The following CAMK2D variants were observed in gnomAD, a reference collection of about 807,000 sequenced individuals.
The protein encoded by CAMK2D is calcium/calmodulin-dependent protein kinase type II subunit delta.
A neutral mutation model predicts 84.0 loss-of-function variants in CAMK2D; 37 were observed. The ratio of observed to expected loss-of-function variants is 0.44; its 90% CI spans 0.34 to 0.58. The LOEUF (loss-of-function observed/expected upper bound fraction) is 0.58. Ranked by LOEUF, CAMK2D falls within the 20% of genes least tolerant of loss-of-function variation. CAMK2D has a pLI of 0.02. For missense variants in CAMK2D, 448 were observed against 652.5 expected (o/e 0.69, Z 3.41); for synonymous variants, 202 against 212.5 (o/e 0.95, Z 0.43).
chr4:113,472,998 A>G (rs1368576130), intron 16 of CAMK2D, among the ~76,000 whole-genome samples: 7 of 152,128 alleles, frequency 4.6e-5, no homozygotes, highest in Non-Finnish European at 7.4e-5. Flanking sequence ...CCAGGGTTAG[A>G]GCTTTATTTG....
chr4:113,538,273 T>C (rs753078830), intron 6 of CAMK2D, among the ~76,000 whole-genome samples: 1 of 152,184 alleles, frequency 6.6e-6, no homozygotes, highest in African/African-American at 2.4e-5. Context: ...TATACCACTG[T>C]TTCCCAACCA....
intron 12 of CAMK2D, among the ~76,000 whole-genome samples, chr4:113,510,468 A>T (rs1202855536): frequency 6.6e-6 from 1 of 152,092 alleles, no homozygotes; most frequent in East Asian, 1.9e-4. Context: ...TTTTTTTGGA[A>T]GGGAGCTTTT....
intron 2 of CAMK2D, among the ~76,000 whole-genome samples, chr4:113,715,592 A>G (rs555566308): frequency 6.6e-6 from 1 of 152,268 alleles, no homozygotes; most frequent in East Asian, 1.9e-4. Context: ...GAGCATTCTC[A>G]TCTTACTAGA....
intron 12 of CAMK2D, among the ~76,000 whole-genome samples, 155 bp from the exon 13 acceptor site, chr4:113,509,830 T>C (rs986198810): frequency 1.3e-5 from 2 of 152,222 alleles, no homozygotes; most frequent in African/African-American, 4.8e-5. Flanking sequence ...AACGCGAGCT[T>C]ACAGGACATT....
intron 3 of CAMK2D, among the ~76,000 whole-genome samples, chr4:113,620,812 G>C (rs186831473): frequency 6.6e-6 from 1 of 152,022 alleles, no homozygotes; most frequent in Non-Finnish European, 1.5e-5. Context: ...TTCTATGAGC[G>C]ATATTTTTAA....
chr4:113,708,602 T>A (rs1364761641), intron 2 of CAMK2D, among the ~76,000 whole-genome samples: 1 of 152,192 alleles, frequency 6.6e-6, no homozygotes. Context: ...TTTTTTTTCC[T>A]CAGCTGTAGG....
intron 8 of CAMK2D, among the ~76,000 whole-genome samples, chr4:113,522,706 T>TTTATA (rs2098377789): frequency 1.3e-5 from 2 of 152,314 alleles, no homozygotes; most frequent in South Asian, 4.1e-4. Context: ...GCAAAAGCAT[T>TTTATA]GCATCACCTG....
At chr4:113,594,210 A>G (rs544496423) in intron 4 of CAMK2D, among the ~76,000 whole-genome samples, 3 of 152,334 alleles carry the variant, frequency 2.0e-5, no homozygotes, top group African/African-American at 7.2e-5. Flanking sequence ...GACAGTACCA[A>G]GAGGATGGTG....
At chr4:113,597,274 A>G (rs553653152) in intron 4 of CAMK2D, among the ~76,000 whole-genome samples, 3 of 152,240 alleles carry the variant, frequency 2.0e-5, no homozygotes, top group Non-Finnish European at 4.4e-5. Context: ...ATCTTCCTCC[A>G]ATAGAAGATT....
chr4:113,723,266 C>T (rs1593589005), intron 2 of CAMK2D, among the ~76,000 whole-genome samples: 1 of 150,934 alleles, frequency 6.6e-6, no homozygotes, highest in East Asian at 1.9e-4. Context: ...ACTCTGTCAC[C>T]CAGGCTGGAA....
chr4:113,624,458 A>G (rs1030901732), intron 3 of CAMK2D, among the ~76,000 whole-genome samples: 4 of 152,208 alleles, frequency 2.6e-5, no homozygotes, highest in Non-Finnish European at 5.9e-5. Flanking sequence ...ATCAGTTACA[A>G]TGAACATTCT....
chr4:113,528,131 C>T (rs1009060525), intron 8 of CAMK2D, among the ~76,000 whole-genome samples: 2 of 152,230 alleles, frequency 1.3e-5, no homozygotes, highest in East Asian at 1.9e-4. Flanking sequence ...CTGATAATCA[C>T]GCCAATAATG....
intron 16 of CAMK2D, among the ~76,000 whole-genome samples, chr4:113,487,816 A>G (rs989748640): frequency 6.6e-5 from 10 of 151,984 alleles, no homozygotes; most frequent in Non-Finnish European, 1.3e-4. Context: ...TATTATTAAC[A>G]TCTAATTGTT....
intron 4 of CAMK2D, among the ~76,000 whole-genome samples, chr4:113,603,773 T>TTTTATATA (rs1447833124): frequency 6.3e-5 from 8 of 127,968 alleles, no homozygotes; most frequent in African/African-American, 2.3e-4. Flanking sequence ...TCTTGCTATT[T>TTTTATATA]TATATATATA....
At chr4:113,672,340 G>C (rs2099291851) in intron 2 of CAMK2D, among the ~76,000 whole-genome samples, 1 of 152,028 alleles carries the variant, frequency 6.6e-6, no homozygotes, top group Non-Finnish European at 1.5e-5. Flanking sequence ...CATGTGTAAA[G>C]GTATATTTAT....
chr4:113,720,366 T>TCACACACACA (rs70961845), intron 2 of CAMK2D, among the ~76,000 whole-genome samples: 271 of 148,662 alleles, frequency 1.8e-3, no homozygotes, highest in African/African-American at 6.1e-3. Context: ...AATCACATTC[T>TCACACACACA]CACACACACA....
chr4:113,712,043 A>T (rs1270681045), intron 2 of CAMK2D, among the ~76,000 whole-genome samples: 1 of 152,140 alleles, frequency 6.6e-6, no homozygotes, highest in Non-Finnish European at 1.5e-5. Flanking sequence ...CCAATGAACA[A>T]GCCTTAAACT....
chr4:113,563,814 C>A (rs1283111502), intron 4 of CAMK2D, among the ~76,000 whole-genome samples: 1 of 152,178 alleles, frequency 6.6e-6, no homozygotes, highest in African/African-American at 2.4e-5. Flanking sequence ...TACAAATAAA[C>A]AACTTCGGCA....
chr4:113,704,511 T>C (rs1218993821), intron 2 of CAMK2D, among the ~76,000 whole-genome samples: 1 of 151,904 alleles, frequency 6.6e-6, no homozygotes, highest in Admixed American at 6.5e-5. Flanking sequence ...TTGTAATGTA[T>C]ACCAACAGAG....
Sources: allele counts gnomAD v4.1 joint callset (sites outside exome capture counted in the v4.1 genomes callset), GRCh38; gene constraint gnomAD v4.1.1; transcripts MANE v1.5; gene names NCBI Gene and HGNC (gene_info 2026-07-23, HGNC 2026-07-21).